RNF38: variants seen among roughly 807,000 people sequenced by gnomAD.
The protein encoded by RNF38 is ring finger protein 38.
A neutral mutation model predicts 67.2 loss-of-function variants in RNF38; 15 were observed. The ratio of observed to expected loss-of-function variants is 0.22; its 90% confidence interval spans 0.15 to 0.34. The LOEUF (loss-of-function observed/expected upper bound fraction) is 0.34. RNF38 is among the 10% of genes least tolerant of loss of function. The pLI, the probability that RNF38 is intolerant of heterozygous loss-of-function variation, is 1.00. For synonymous variants in RNF38, 220 were observed against 218.8 expected (o/e 1.01, Z -0.05); for missense variants, 524 against 639.9 (o/e 0.82, Z 1.95).
At chr9:36,421,532 G>A (rs956358708) in intron 2 of RNF38, among the ~76,000 whole-genome samples, 8 of 151,980 alleles carry the variant, frequency 5.3e-5, no homozygotes, top group African/African-American at 9.7e-5. Flanking sequence ...GCGTGGTAGC[G>A]GATGCCTGTA....
At chr9:36,435,103 A>G (rs1839031333) in intron 1 of RNF38, among the ~76,000 whole-genome samples, 1 of 152,118 alleles carries the variant, frequency 6.6e-6, no homozygotes, top group South Asian at 2.1e-4. Flanking sequence ...CTGTGGAAAA[A>G]AGTGGGGACT....
chr9:36,344,424 A>G (rs906371612), intron 10 of RNF38, among the ~76,000 whole-genome samples: 4 of 152,224 alleles, frequency 2.6e-5, no homozygotes, highest in Non-Finnish European at 5.9e-5. Context: ...AAGAACCTCA[A>G]AACTTTATGT....
At position 36,337,444 on chromosome 9, in the gene RNF38, G is replaced by A. The variant is rs999103421; in HGVS notation, c.*2308C>T. 1 of 152,664 alleles carries A rather than the reference G, an allele frequency of 6.6e-6. No individual in the cohort carries two copies. The allele number at this position is 152,664 out of a possible 1,614,324, so 9.5% of individuals were successfully genotyped here. Reference sequence around the variant, plus strand: ...AAGGGACATTATAAGAATTCATAGAGGGAGAGAAGAAAAAGCTGCTACTCC... The same window carrying A: ...AAGGGACATTATAAGAATTCATAGAAGGAGAGAAGAAAAAGCTGCTACTCC... On this transcript the variant is annotated 3_prime_UTR_variant, in exon 12 of 12. Coordinates refer to ENST00000259605, the MANE Select transcript of RNF38 (RefSeq NM_022781.5).
intron 1 of RNF38, among the ~76,000 whole-genome samples, chr9:36,443,815 CAGG>C (rs1839247085): frequency 6.6e-6 from 1 of 152,082 alleles, no homozygotes. Flanking sequence ...GGAGAGAAAA[CAGG>C]AGGTTACGGA....
intron 2 of RNF38, among the ~76,000 whole-genome samples, chr9:36,377,653 G>C (rs1289798700): frequency 6.6e-6 from 1 of 152,050 alleles, no homozygotes; most frequent in African/African-American, 2.4e-5. Context: ...TAGGGAGTTG[G>C]TTCCAGAGAC....
At chr9:36,427,657 C>CTCTATCTATCTA (rs146556210) in intron 1 of RNF38, among the ~76,000 whole-genome samples, 1,652 of 147,158 alleles carry the variant, frequency 0.011, 8 homozygotes, top group East Asian at 0.025. Flanking sequence ...ATTTCCCAGC[C>CTCTATCTATCTA]TCTATCTATC....
At chr9:36,416,658 G>A (rs951705732) in intron 2 of RNF38, among the ~76,000 whole-genome samples, 1 of 149,418 alleles carries the variant, frequency 6.7e-6, no homozygotes, top group African/African-American at 2.5e-5. Context: ...CCTTTCCCAA[G>A]AACCCCTGGT....
intron 9 of RNF38, among the ~76,000 whole-genome samples, chr9:36,345,439 G>A (rs1288481741): frequency 1.3e-5 from 2 of 152,050 alleles, no homozygotes; most frequent in Admixed American, 6.5e-5. Context: ...CTTTGTTGTC[G>A]GGGCTGGCCT....
intron 1 of RNF38, among the ~76,000 whole-genome samples, chr9:36,428,454 CATATATAT>C (rs10588812): frequency 1.4e-5 from 2 of 146,128 alleles, no homozygotes; most frequent in African/African-American, 2.6e-5. Flanking sequence ...CTATTGTTTA[CATATATAT>C]ATATATATAT....
intron 2 of RNF38, among the ~76,000 whole-genome samples, chr9:36,408,674 C>T (rs577106820): frequency 4.9e-4 from 75 of 152,166 alleles, no homozygotes; most frequent in Admixed American, 6.5e-4. Flanking sequence ...ACCAATGGGC[C>T]ATGGGTCAAA....
chr9:36,381,407 C>T (rs115612839), intron 2 of RNF38, among the ~76,000 whole-genome samples: 121 of 152,220 alleles, frequency 7.9e-4, no homozygotes, highest in African/African-American at 2.8e-3. Context: ...CTCTCCATCC[C>T]CTGCTTCTGG....
At chr9:36,365,285 G>C (rs1269476650) in intron 4 of RNF38, among the ~76,000 whole-genome samples, 1 of 152,122 alleles carries the variant, frequency 6.6e-6, no homozygotes, top group Non-Finnish European at 1.5e-5. Context: ...GTTTTCCTGT[G>C]GTCAGGCACA....
At chr9:36,434,081 CA>C (rs1564061311) in intron 1 of RNF38, among the ~76,000 whole-genome samples, 1 of 151,122 alleles carries the variant, frequency 6.6e-6, no homozygotes, top group East Asian at 2.0e-4. Context: ...ACTAAAAATA[CA>C]AAAATTAGCT....
At chr9:36,480,103 C>T (rs923325865) in intron 1 of RNF38, among the ~76,000 whole-genome samples, 1 of 152,050 alleles carries the variant, frequency 6.6e-6, no homozygotes, top group African/African-American at 2.4e-5. Context: ...CTCAGCCTCC[C>T]GAGTAGCTGG....
intron 1 of RNF38, among the ~76,000 whole-genome samples, chr9:36,486,753 C>G (rs562831074): frequency 6.6e-6 from 1 of 152,236 alleles, no homozygotes; most frequent in East Asian, 1.9e-4. Context: ...CTCCCCAGGG[C>G]ACCACCAAGC....
At chr9:36,358,820 G>A (rs1834312718) in intron 4 of RNF38, among the ~76,000 whole-genome samples, 1 of 152,112 alleles carries the variant, frequency 6.6e-6, no homozygotes, top group African/African-American at 2.4e-5. Flanking sequence ...GGCCAGCCTG[G>A]CCAACATGGT....
chr9:36,438,420 T>A (rs1349928066), intron 1 of RNF38, among the ~76,000 whole-genome samples: 1 of 149,710 alleles, frequency 6.7e-6, no homozygotes, highest in Admixed American at 6.6e-5. Flanking sequence ...TTTTTTGTGA[T>A]TTTTTTTAAG....
Position 36,477,322 on chromosome 9 carries a change from GAAA to G in RNF38, n.241+9983_241+9985del, listed in dbSNP as rs760684192. On this transcript the variant is annotated intron_variant and non_coding_transcript_variant, in intron 1 of 3. Coordinates refer to the RNF38 transcript ENST00000488058. ...TGGGTGACAGAGCAAGACTCGTCTG[GAAA>G]AAAAAAAAAAAAGATTACCTTGCAA... 3.7e-3 allele frequency among the ~76,000 whole-genome samples: 473 copies of G among 127,304 alleles called. 4 individuals carry two copies. Among genetic ancestry groups the G allele is most frequent in the Non-Finnish European group, 6.6e-3 (387 of 58,646 alleles). 83.5% of individuals were successfully genotyped at this position (127,304 alleles called of 152,430 possible). A position where few individuals can be genotyped will look rare whatever the true frequency, so the allele number is the denominator to read the frequency against.
At position 36,449,531 on chromosome 9, in the gene RNF38, G is replaced by A. The variant is rs546724099; in HGVS notation, n.242-24848C>T. ...GTTCACTGCAACCTCCGACTCCTGG[G>A]TTCAGGCAATTCTCCTGCCTCAGCC... On this transcript the variant is annotated intron_variant and non_coding_transcript_variant, in intron 1 of 3. Transcript: ENST00000488058. Among the ~76,000 whole-genome samples, 8 of 152,044 alleles carry A rather than the reference G, an allele frequency of 5.3e-5. No individual in the cohort carries two copies. The East Asian group carries it at 1.6e-3, about 30-fold the overall frequency.
Sources: allele counts gnomAD v4.1 joint callset (sites outside exome capture counted in the v4.1 genomes callset), GRCh38; gene constraint gnomAD v4.1.1; transcripts MANE v1.5; gene names NCBI Gene and HGNC (gene_info 2026-07-23, HGNC 2026-07-21).